PDE4D: variants seen among roughly 807,000 people sequenced by gnomAD.
PDE4D encodes 3',5'-cyclic-AMP phosphodiesterase 4D.
PDE4D carries 24 observed loss-of-function variants against 87.4 expected under a neutral mutation model. The ratio of observed to expected loss-of-function variants is 0.27; its 90% CI spans 0.20 to 0.39. The LOEUF (loss-of-function observed/expected upper bound fraction) is 0.39. Ranked by LOEUF, PDE4D falls within the 10% of genes least tolerant of loss-of-function variation. The pLI, the probability that PDE4D is intolerant of heterozygous loss-of-function variation, is 1.00. For missense variants in PDE4D, 714 were observed against 1,041.0 expected (o/e 0.69, Z 4.32); for synonymous variants, 384 against 383.2 (o/e 1.00, Z -0.02).
intron 6 of PDE4D, among the ~76,000 whole-genome samples, chr5:59,009,080 C>T (rs1000767496): frequency 6.6e-6 from 1 of 152,078 alleles, no homozygotes; most frequent in Non-Finnish European, 1.5e-5. Context: ...ATACAAAATG[C>T]TGGCCTGGAT....
At chr5:59,281,901 A>C (rs1228351708) in intron 1 of PDE4D, among the ~76,000 whole-genome samples, 1 of 152,194 alleles carries the variant, frequency 6.6e-6, no homozygotes, top group Non-Finnish European at 1.5e-5. Flanking sequence ...TGGAAGCACA[A>C]AGTTTGAAGA....
At chr5:59,518,226 A>C (rs968023718) in intron 1 of PDE4D, among the ~76,000 whole-genome samples, 5 of 150,314 alleles carry the variant, frequency 3.3e-5, no homozygotes, top group Non-Finnish European at 5.9e-5. Context: ...TGTGTGTATA[A>C]AATTTACACC....
chr5:60,450,670 ACTT>A, intron 1 of PDE4D, among the ~76,000 whole-genome samples: 1 of 152,248 alleles, frequency 6.6e-6, no homozygotes, highest in African/African-American at 2.4e-5. Context: ...CCACTATTAT[ACTT>A]CTTCTATCTC....
intron 1 of PDE4D, among the ~76,000 whole-genome samples, chr5:59,310,330 A>G (rs1344359875): frequency 6.6e-6 from 1 of 152,106 alleles, no homozygotes; most frequent in Non-Finnish European, 1.5e-5. Context: ...CCCTGCTTCT[A>G]TTCTGCATAT....
chr5:59,570,714 C>T (rs2153695468), intron 1 of PDE4D, among the ~76,000 whole-genome samples: 1 of 151,638 alleles, frequency 6.6e-6, no homozygotes, highest in Non-Finnish European at 1.5e-5. Flanking sequence ...TCTATCCGAA[C>T]TAAGCTAACT....
At chr5:60,456,897 C>T (rs1746509767) in intron 1 of PDE4D, among the ~76,000 whole-genome samples, 1 of 152,210 alleles carries the variant, frequency 6.6e-6, no homozygotes, top group Non-Finnish European at 1.5e-5. Flanking sequence ...CTCTCTACCA[C>T]CTGATTTTTT....
At chr5:59,316,346 C>T (rs1773731341) in intron 1 of PDE4D, among the ~76,000 whole-genome samples, 1 of 151,928 alleles carries the variant, frequency 6.6e-6, no homozygotes, top group Non-Finnish European at 1.5e-5. Context: ...TACCTGGGTT[C>T]CTTTAGTCTT....
intron 6 of PDE4D, among the ~76,000 whole-genome samples, chr5:59,029,565 A>G (rs1018526942): frequency 7.2e-5 from 11 of 152,182 alleles, no homozygotes; most frequent in African/African-American, 2.4e-4. Flanking sequence ...TGAAAGAATT[A>G]GTAATGTTAA....
intron 1 of PDE4D, among the ~76,000 whole-genome samples, chr5:59,361,594 C>T (rs776521914): frequency 2.6e-5 from 4 of 152,092 alleles, no homozygotes; most frequent in Non-Finnish European, 5.9e-5. Context: ...CCCTGCCTCC[C>T]CATACCAGGT....
intron 3 of PDE4D, among the ~76,000 whole-genome samples, chr5:59,982,055 T>C (rs545454213): frequency 6.6e-6 from 1 of 152,332 alleles, no homozygotes; most frequent in Admixed American, 6.5e-5. Context: ...GGAAGATCCT[T>C]GTAAAATGAA....
chr5:59,937,596 A>C (rs1047030379), intron 3 of PDE4D, among the ~76,000 whole-genome samples: 1 of 152,192 alleles, frequency 6.6e-6, no homozygotes, highest in African/African-American at 2.4e-5. Flanking sequence ...AGGCAAGTAG[A>C]GAAAGAAAAA....
At chr5:59,870,048 T>C (rs967225294) in intron 1 of PDE4D, among the ~76,000 whole-genome samples, 5 of 152,204 alleles carry the variant, frequency 3.3e-5, no homozygotes, top group African/African-American at 9.6e-5. Flanking sequence ...GTTGCCCACA[T>C]ACCATTAGGG....
At chr5:60,090,403 T>C (rs1775002137) in intron 2 of PDE4D, among the ~76,000 whole-genome samples, 1 of 152,164 alleles carries the variant, frequency 6.6e-6, no homozygotes, top group Non-Finnish European at 1.5e-5. Flanking sequence ...TGATACATTG[T>C]ATCAACAGAA....
intron 2 of PDE4D, among the ~76,000 whole-genome samples, chr5:60,085,021 G>T (rs1774384738): frequency 6.6e-6 from 1 of 152,082 alleles, no homozygotes; most frequent in African/African-American, 2.4e-5. Context: ...ACTCTGATTT[G>T]CCCATTTTAT....
intron 1 of PDE4D, among the ~76,000 whole-genome samples, chr5:59,337,628 T>G (rs1356162401): frequency 6.6e-6 from 1 of 152,152 alleles, no homozygotes; most frequent in Non-Finnish European, 1.5e-5. Flanking sequence ...ATAAGGACAC[T>G]AAACAGAGAG....
intron 1 of PDE4D, among the ~76,000 whole-genome samples, chr5:60,367,476 A>T (rs563648333): frequency 6.4e-4 from 98 of 152,042 alleles, no homozygotes; most frequent in African/African-American, 2.3e-3. Flanking sequence ...ATTATACACC[A>T]AATGGAAACT....
chr5:59,433,253 C>A (rs1796362166), intron 1 of PDE4D, among the ~76,000 whole-genome samples: 1 of 152,034 alleles, frequency 6.6e-6, no homozygotes, highest in Non-Finnish European at 1.5e-5. Context: ...ATGGTAGAGA[C>A]CTATGTGTCC....
chr5:59,410,268 T>C (rs997903810), intron 1 of PDE4D, among the ~76,000 whole-genome samples: 1 of 152,162 alleles, frequency 6.6e-6, no homozygotes, highest in African/African-American at 2.4e-5. Flanking sequence ...TTTGTTTTTT[T>C]CTTGAGACAG....
intron 1 of PDE4D, among the ~76,000 whole-genome samples, chr5:59,490,728 C>G (rs1004664467): frequency 6.6e-6 from 1 of 152,074 alleles, no homozygotes; most frequent in Non-Finnish European, 1.5e-5. Flanking sequence ...TTATCTTGTT[C>G]CTTTGATGTG....
Sources: gnomAD v4.1 joint callset for allele counts (sites outside exome capture counted in the v4.1 genomes callset) on GRCh38, gnomAD v4.1.1 for gene constraint, MANE v1.5 for transcripts, NCBI Gene and HGNC (gene_info 2026-07-23, HGNC 2026-07-21) for gene names.